The following RMST variants were observed in gnomAD, a reference collection of about 807,000 sequenced individuals.
RMST encodes the protein long intergenic non-protein coding RNA 54.
At chr12:97,516,661 T>G (rs1879968325) in intron 10 of RMST, among the ~76,000 whole-genome samples, 1 of 152,034 alleles carries the variant, frequency 6.6e-6, no homozygotes, top group Admixed American at 6.6e-5. Flanking sequence ...GAGAAATTCA[T>G]GATGAAGTTA....
intron 5 of RMST, among the ~76,000 whole-genome samples, chr12:97,489,064 G>C (rs1035317484): frequency 1.3e-5 from 2 of 152,164 alleles, no homozygotes; most frequent in Non-Finnish European, 2.9e-5. Context: ...TTTGACTTAA[G>C]TAACTCTGTT....
At chr12:97,544,930 A>G (rs1184035884) in intron 11 of RMST, among the ~76,000 whole-genome samples, 1 of 152,120 alleles carries the variant, frequency 6.6e-6, no homozygotes, top group African/African-American at 2.4e-5. Context: ...GCTTAGCAGT[A>G]CTAAGTACAG....
chr12:97,477,320 A>G (rs147019916), intron 5 of RMST, among the ~76,000 whole-genome samples: 14 of 152,288 alleles, frequency 9.2e-5, no homozygotes, highest in Non-Finnish European at 8.8e-5. Flanking sequence ...AGCATTGATA[A>G]TAGGCTTTTT....
At chr12:97,516,708 T>A (rs1244107750) in intron 10 of RMST, among the ~76,000 whole-genome samples, 1 of 151,928 alleles carries the variant, frequency 6.6e-6, no homozygotes, top group African/African-American at 2.4e-5. Context: ...CAAAGAACTT[T>A]TCTGACTCAA....
chr12:97,511,142 ACTTC>A (rs1265341873), intron 10 of RMST, among the ~76,000 whole-genome samples: 1 of 147,896 alleles, frequency 6.8e-6, no homozygotes, highest in Non-Finnish European at 1.5e-5. Flanking sequence ...GGGAAATTGT[ACTTC>A]CTTCTTTTTT....
intron 10 of RMST, among the ~76,000 whole-genome samples, chr12:97,528,281 T>C (rs2136578176): frequency 6.6e-6 from 1 of 152,292 alleles, no homozygotes; most frequent in Non-Finnish European, 1.5e-5. Flanking sequence ...GCTTTTTAAA[T>C]TCAGTATAGT....
intron 11 of RMST, among the ~76,000 whole-genome samples, chr12:97,540,601 C>A (rs1882422098): frequency 6.6e-6 from 1 of 151,596 alleles, no homozygotes; most frequent in Admixed American, 6.6e-5. Context: ...TTGTCATTTG[C>A]TAGCAATGTG....
chr12:97,519,592 C>A (rs777319991), intron 10 of RMST, among the ~76,000 whole-genome samples: 2 of 152,084 alleles, frequency 1.3e-5, no homozygotes, highest in Non-Finnish European at 2.9e-5. Context: ...ATCTATGTTC[C>A]CAAAGGCCTA....
intron 10 of RMST, among the ~76,000 whole-genome samples, chr12:97,517,669 T>TG (rs1880070379): frequency 6.6e-6 from 1 of 152,050 alleles, no homozygotes; most frequent in Non-Finnish European, 1.5e-5. Flanking sequence ...ATACTACACA[T>TG]GCACTTTGAT....
chr12:97,516,985 TAATG>T (rs1458688191), intron 10 of RMST, among the ~76,000 whole-genome samples: 1 of 152,014 alleles, frequency 6.6e-6, no homozygotes, highest in African/African-American at 2.4e-5. Context: ...GAAAGGTATC[TAATG>T]AATGATCAAG....
At chr12:97,558,404 A>G (rs1883860485) in intron 11 of RMST, among the ~76,000 whole-genome samples, 1 of 152,192 alleles carries the variant, frequency 6.6e-6, no homozygotes. Context: ...TCACATTCAA[A>G]TCTGCCTTCT....
At chr12:97,471,345 T>C (rs1399173777) in intron 5 of RMST, among the ~76,000 whole-genome samples, 1 of 152,140 alleles carries the variant, frequency 6.6e-6, no homozygotes, top group African/African-American at 2.4e-5. Context: ...GTGTGTACCC[T>C]CTAACTTATA....
intron 10 of RMST, among the ~76,000 whole-genome samples, chr12:97,514,388 A>G (rs1380635332): frequency 6.6e-6 from 1 of 152,226 alleles, no homozygotes; most frequent in Admixed American, 6.5e-5. Flanking sequence ...CATGTTCAAG[A>G]AATGTTTTCT....
At chr12:97,492,202 G>A (rs770323422) in intron 5 of RMST, among the ~76,000 whole-genome samples, 23 of 152,160 alleles carry the variant, frequency 1.5e-4, no homozygotes, top group Non-Finnish European at 2.9e-4. Flanking sequence ...TCAAATCAAA[G>A]TTTTTACATG....
intron 10 of RMST, among the ~76,000 whole-genome samples, chr12:97,518,951 AT>A (rs1464843327): frequency 1.3e-5 from 2 of 150,836 alleles, no homozygotes; most frequent in Admixed American, 6.6e-5. Context: ...AAAAAAAAAA[AT>A]GTTTTTATAG....
At chr12:97,477,940 C>A (rs1246564920) in intron 5 of RMST, among the ~76,000 whole-genome samples, 1 of 152,188 alleles carries the variant, frequency 6.6e-6, no homozygotes, top group Admixed American at 6.5e-5. Context: ...GTAAAGAAAT[C>A]CGTAGACTTG....
chr12:97,557,583 A>G (rs61943705), intron 11 of RMST, among the ~76,000 whole-genome samples: 9,623 of 152,214 alleles, frequency 0.063, 444 homozygotes, highest in East Asian at 0.19. Flanking sequence ...CATTTCTGAG[A>G]TATATCGTCT....
chr12:97,473,205 C>A (rs1355391239), intron 5 of RMST, among the ~76,000 whole-genome samples: 3 of 152,030 alleles, frequency 2.0e-5, no homozygotes, highest in Non-Finnish European at 4.4e-5. Flanking sequence ...AAGGCTAATT[C>A]TTGGAAATGG....
intron 9 of RMST, among the ~76,000 whole-genome samples, chr12:97,495,180 G>GGC (rs1555230762): frequency 6.6e-6 from 1 of 150,780 alleles, no homozygotes; most frequent in African/African-American, 2.4e-5. Context: ...TTCTTATGGG[G>GGC]GGGGAGCCGC....
Sources: gnomAD v4.1 joint callset for allele counts (sites outside exome capture counted in the v4.1 genomes callset) on GRCh38, gnomAD v4.1.1 for gene constraint, MANE v1.5 for transcripts, NCBI Gene and HGNC (gene_info 2026-07-23, HGNC 2026-07-21) for gene names.